EFHB: variants seen among roughly 807,000 people sequenced by gnomAD.
The protein encoded by EFHB is EF-hand domain-containing family member B.
EFHB carries 91 observed loss-of-function variants against 87.2 expected under a neutral mutation model. That is an observed-to-expected ratio of 1.04 (90% CI 0.88 to 1.24). The LOEUF is 1.24. Ranked by LOEUF, EFHB falls within the 50% of genes most tolerant of loss-of-function variation. The pLI, the probability that EFHB is intolerant of heterozygous loss-of-function variation, is 0.00. For synonymous variants in EFHB, 325 were observed against 333.6 expected, an observed-to-expected ratio of 0.97 and a Z score of 0.28; for missense variants, 1,084 against 998.8, an observed-to-expected ratio of 1.09 and a Z score of -1.15.
upstream of EFHB, among the ~76,000 whole-genome samples, chr3:19,938,739 C>T (rs1311378868): frequency 7.2e-5 from 11 of 152,084 alleles, no homozygotes; most frequent in Admixed American, 6.5e-4. Context: ...CCCCAAGGAT[C>T]GCCAGAGAGA....
chr3:19,883,336 T>C (rs1477855083), intron 11 of EFHB, among the ~76,000 whole-genome samples: 3 of 152,144 alleles, frequency 2.0e-5, no homozygotes, highest in African/African-American at 7.2e-5. Context: ...TGTAAATACA[T>C]AGATGACTTC....
chr3:19,938,478 C>G (rs757659076), upstream of EFHB, among the ~76,000 whole-genome samples: 2 of 151,838 alleles, frequency 1.3e-5, no homozygotes, highest in Non-Finnish European at 2.9e-5. Context: ...GTGATAAAGC[C>G]AAGTGTAGTA....
chr3:19,885,225 A>AC (rs1426470816), intron 10 of EFHB, among the ~76,000 whole-genome samples: 3 of 151,548 alleles, frequency 2.0e-5, no homozygotes, highest in Non-Finnish European at 4.4e-5. Context: ...TTCGTCTCAA[A>AC]AAAAAAAAAA....
intron 1 of EFHB, among the ~76,000 whole-genome samples, chr3:19,922,855 A>G (rs953886999): frequency 3.9e-5 from 6 of 152,234 alleles, no homozygotes; most frequent in African/African-American, 9.7e-5. Context: ...TATGTGCTAT[A>G]TAAGTTTCAA....
chr3:19,921,913 C>A (rs1239078143), intron 1 of EFHB, among the ~76,000 whole-genome samples: 1 of 151,998 alleles, frequency 6.6e-6, no homozygotes. Context: ...ACCTGTAATC[C>A]CAGCACTTTG....
chr3:19,907,120 A>G (rs530270068), intron 5 of EFHB, among the ~76,000 whole-genome samples: 2 of 152,238 alleles, frequency 1.3e-5, no homozygotes, highest in South Asian at 4.1e-4. Flanking sequence ...AAACTTATTG[A>G]CATTGGCCTT....
At chr3:19,927,739 G>A (rs1344815162) in intron 1 of EFHB, among the ~76,000 whole-genome samples, 1 of 152,042 alleles carries the variant, frequency 6.6e-6, no homozygotes, top group Non-Finnish European at 1.5e-5. Context: ...AGCCATGCTT[G>A]ACACTGGGTT....
chr3:19,881,326 GCTGA>G (rs1363009675), intron 12 of EFHB, among the ~76,000 whole-genome samples: 1 of 152,166 alleles, frequency 6.6e-6, no homozygotes, highest in Admixed American at 6.5e-5. Flanking sequence ...TCAGTAGTAT[GCTGA>G]CTACCTAACA....
At chr3:19,914,640 C>T (rs13061711) in intron 5 of EFHB, among the ~76,000 whole-genome samples, 31,817 of 151,812 alleles carry the variant, frequency 0.21, 3,773 homozygotes, top group Middle Eastern at 0.27. Context: ...ATTACTATAC[C>T]CATTTAAGAG....
intron 1 of EFHB, chr3:19,943,152 T>C (rs1025803121): frequency 1.2e-5 from 3 of 246,914 alleles, no homozygotes; most frequent in Non-Finnish European, 1.7e-5. Context: ...CTTGATTCTT[T>C]GTGGCATCAC....
rs149929710 is a variant in EFHB at position 19,904,820 on chromosome 3, C to T, written c.1418+800G>A. 6.5e-3 allele frequency among the ~76,000 whole-genome samples: 994 copies of T among 152,218 alleles called. 6 individuals carry two copies. Among genetic ancestry groups the T allele is most frequent in the Middle Eastern group, 0.014 (4 of 294 alleles). On this transcript the variant is annotated intron_variant, in intron 6 of 12. Coordinates refer to ENST00000295824, the MANE Select transcript of EFHB (RefSeq NM_144715.4). ...ACATATCTTTTTGTGGAGGGCGGGG[C>T]GGCACCAGTATTTACAACGTTCAAA...
chr3:19,936,104 T>G (rs1371362201), upstream of EFHB: 2 of 1,326,314 alleles, frequency 1.5e-6, no homozygotes, highest in African/African-American at 3.0e-5. Flanking sequence ...AAAATATTTT[T>G]TTAAAAGTGT....
intron 4 of EFHB, 115 bp from the exon 5 acceptor site, chr3:19,915,528 A>T (rs909062524): frequency 1.6e-6 from 1 of 639,638 alleles, no homozygotes; most frequent in African/African-American, 1.9e-5. Flanking sequence ...GGCTACATAG[A>T]CATCCCGAGA....
chr3:19,930,594 GTTAA>G (rs1436243765), intron 1 of EFHB, among the ~76,000 whole-genome samples: 6 of 152,050 alleles, frequency 3.9e-5, no homozygotes, highest in African/African-American at 7.2e-5. Context: ...AATGTCCAAA[GTTAA>G]TTAATCTTAT....
chr3:19,934,292 C>G (rs1695948788), upstream of EFHB: 1 of 1,343,744 alleles, frequency 7.4e-7, no homozygotes, highest in Admixed American at 3.4e-5. Context: ...CTGCCCATCT[C>G]TCATTCTTCT....
intron 9 of EFHB, among the ~76,000 whole-genome samples, chr3:19,892,950 C>G (rs1694352447): frequency 6.7e-6 from 1 of 150,276 alleles, no homozygotes; most frequent in Non-Finnish European, 1.5e-5. Flanking sequence ...ATCATATTCT[C>G]TATTTTCTTT....
chr3:19,913,652 C>T (rs1026490955), intron 5 of EFHB, among the ~76,000 whole-genome samples: 1 of 152,132 alleles, frequency 6.6e-6, no homozygotes, highest in African/African-American at 2.4e-5. Context: ...GCAAACCCTA[C>T]CAAATTACCA....
intron 1 of EFHB, among the ~76,000 whole-genome samples, chr3:19,920,897 A>C (rs1695415966): frequency 6.6e-6 from 1 of 152,172 alleles, no homozygotes; most frequent in African/African-American, 2.4e-5. Flanking sequence ...CAGGTTAATT[A>C]TTCATTGTTC....
intron 1 of EFHB, among the ~76,000 whole-genome samples, chr3:19,926,123 C>T (rs1394206716): frequency 6.6e-6 from 1 of 152,094 alleles, no homozygotes; most frequent in Non-Finnish European, 1.5e-5. Flanking sequence ...ACAGGTGGCA[C>T]CTTTCCCTCC....
Sources: gnomAD v4.1 joint callset for allele counts (sites outside exome capture counted in the v4.1 genomes callset) on GRCh38, gnomAD v4.1.1 for gene constraint, MANE v1.5 for transcripts, NCBI Gene and HGNC (gene_info 2026-07-23, HGNC 2026-07-21) for gene names.